Variants in MACROD1 observed in about 807,000 individuals in gnomAD.
MACROD1 encodes the protein ADP-ribose glycohydrolase MACROD1.
MACROD1 carries 31 observed loss-of-function variants against 41.4 expected under a neutral mutation model. The ratio of observed to expected loss-of-function variants is 0.75; its 90% CI spans 0.56 to 1.01. MACROD1 has a LOEUF of 1.01. MACROD1 is among the 50% of genes least tolerant of loss of function. MACROD1 has a pLI of 0.00. For synonymous variants in MACROD1, 252 were observed against 203.4 expected, an observed-to-expected ratio of 1.24 and a Z score of -2.03; for missense variants, 473 against 460.0, an observed-to-expected ratio of 1.03 and a Z score of -0.26.
In MACROD1 at chr11:64,129,927, G is replaced by A. The variant is rs1565251226; in HGVS notation, c.517+21312C>T. On this transcript the variant is annotated intron_variant, in intron 3 of 10. Transcript: ENST00000255681. ...TCCAAACATAACCTGTTCTGAAGAGGACCGGGTGGTTGGGGGGCCGTGAGC... is the reference window on the plus strand; with the variant it reads ...TCCAAACATAACCTGTTCTGAAGAGAACCGGGTGGTTGGGGGGCCGTGAGC... Among the ~76,000 whole-genome samples, 2 of 152,140 alleles carry A rather than the reference G, an allele frequency of 1.3e-5. 1 individual carries two copies. Among genetic ancestry groups the A allele is most frequent in the South Asian group, 4.1e-4 (2 of 4,824 alleles).
intron 3 of MACROD1, among the ~76,000 whole-genome samples, chr11:64,100,212 T>C (rs1442583800): frequency 2.0e-5 from 3 of 152,098 alleles, no homozygotes; most frequent in Admixed American, 1.3e-4. Context: ...AGGTGCATTG[T>C]CCCCTGGCAT....
At chr11:64,029,037 ACT>A (rs747595988) in intron 3 of MACROD1, among the ~76,000 whole-genome samples, 195 of 150,900 alleles carry the variant, frequency 1.3e-3, no homozygotes, top group Non-Finnish European at 2.6e-3. Context: ...CCCACCTCAG[ACT>A]CTCCCATCCC....
intron 3 of MACROD1, among the ~76,000 whole-genome samples, chr11:64,043,963 G>A (rs112129622): frequency 6.6e-6 from 1 of 151,960 alleles, no homozygotes; most frequent in Non-Finnish European, 1.5e-5. Context: ...ACAGGTGCCC[G>A]CCACCACGCC....
intron 4 of MACROD1, among the ~76,000 whole-genome samples, chr11:64,008,565 C>T (rs977464982): frequency 6.6e-6 from 1 of 152,064 alleles, no homozygotes; most frequent in Non-Finnish European, 1.5e-5. Context: ...GCGCTCGGGC[C>T]CGGGAGCAGC....
intron 3 of MACROD1, among the ~76,000 whole-genome samples, chr11:64,054,554 C>T: frequency 6.6e-6 from 1 of 152,148 alleles, no homozygotes; most frequent in Non-Finnish European, 1.5e-5. Flanking sequence ...TGCAGAGTGG[C>T]AGCCAGCCAG....
intron 3 of MACROD1, among the ~76,000 whole-genome samples, chr11:64,148,132 G>A (rs1159101640): frequency 2.0e-5 from 3 of 152,104 alleles, no homozygotes; most frequent in African/African-American, 7.2e-5. Flanking sequence ...GGGACACCTG[G>A]CAACTGCCCT....
intron 3 of MACROD1, among the ~76,000 whole-genome samples, chr11:64,058,041 G>A (rs963171693): frequency 6.6e-5 from 10 of 152,212 alleles, no homozygotes; most frequent in African/African-American, 1.7e-4. Context: ...TGAGTAATGC[G>A]CAATGTAATC....
intron 3 of MACROD1, among the ~76,000 whole-genome samples, chr11:64,145,262 A>G (rs1362336672): frequency 6.6e-6 from 1 of 152,034 alleles, no homozygotes; most frequent in African/African-American, 2.4e-5. Context: ...TCCCCGCCGC[A>G]CACCTGGGCC....
At position 64,123,307 on chromosome 11, in the gene MACROD1, C is replaced by T. The variant is rs117008911; in HGVS notation, c.517+27932G>A. 7.2e-4 allele frequency among the ~76,000 whole-genome samples: 110 copies of T among 152,296 alleles called. No individual in the cohort carries two copies. The East Asian group carries it at 0.018, about 25-fold the overall frequency. On this transcript the variant is annotated intron_variant, in intron 3 of 10. Coordinates refer to ENST00000255681, the MANE Select transcript of MACROD1 (RefSeq NM_014067.4). ...CAAGCACTCACAGGCGATTCGCAGCCGTGCATTGGCCTTCCGAGTGCAGAG... is the reference window on the plus strand; with the variant it reads ...CAAGCACTCACAGGCGATTCGCAGCTGTGCATTGGCCTTCCGAGTGCAGAG...
intron 3 of MACROD1, among the ~76,000 whole-genome samples, chr11:64,081,346 G>A (rs1032567930): frequency 5.3e-5 from 8 of 152,148 alleles, no homozygotes; most frequent in Admixed American, 4.6e-4. Context: ...TAAAATCAAT[G>A]ACCATGAACT....
rs1229119212 is a variant in MACROD1, at chr11:64,090,790, T to C, written c.517+60449A>G. 6.6e-6 allele frequency among the ~76,000 whole-genome samples: 1 copy of C among 151,864 alleles called. No homozygotes were observed. The highest frequency in any genetic ancestry group is 1.5e-5 in the Non-Finnish European group (1 of 67,966). The stretch of plus-strand genomic sequence containing the variant: ...GTGGCGGCGTCTCTCCACCAGGCAC[T>C]TGGGGTTTGTCTCTGGGGCTCTGCA... On this transcript the variant is annotated intron_variant, in intron 3 of 10. Coordinates refer to ENST00000255681, the MANE Select transcript of MACROD1 (RefSeq NM_014067.4). This position sits in a 1 kb window ranked among gnomAD's most constrained non-coding sequence, Gnocchi z 4.7.
chr11:64,044,137 A>C (rs115493268), intron 3 of MACROD1, among the ~76,000 whole-genome samples: 367 of 152,132 alleles, frequency 2.4e-3, no homozygotes, highest in African/African-American at 8.4e-3. Flanking sequence ...ATCTTAAAGC[A>C]TATGCTCGTA....
chr11:64,011,888 A>T (rs910348466), intron 4 of MACROD1, among the ~76,000 whole-genome samples: 1 of 151,970 alleles, frequency 6.6e-6, no homozygotes, highest in East Asian at 1.9e-4. Flanking sequence ...GGACTGGATG[A>T]ACTCAAAGGA....
chr11:64,116,031 C>T (rs1222601691), intron 3 of MACROD1, among the ~76,000 whole-genome samples: 5 of 152,196 alleles, frequency 3.3e-5, no homozygotes, highest in Non-Finnish European at 7.3e-5. Context: ...AGTCCGACCT[C>T]GGCGGGAGCA....
intron 3 of MACROD1, among the ~76,000 whole-genome samples, chr11:64,128,914 A>G (rs1351306022): frequency 1.3e-5 from 2 of 152,226 alleles, no homozygotes; most frequent in East Asian, 3.8e-4. Context: ...TAAATCAATC[A>G]GCCAATCACT....
rs1180388869 is a variant in MACROD1, at chr11:63,998,566, C to T, written c.*152G>A. The T allele has an allele frequency of 1.7e-6, 2 of 1,189,060 alleles. No individual in the cohort carries two copies. The highest frequency in any genetic ancestry group is 2.1e-6 in the Non-Finnish European group (2 of 947,282). The allele number at this position is 1,189,060 out of a possible 1,614,324, so 73.7% of individuals were successfully genotyped here. The stretch of plus-strand genomic sequence containing the variant: ...GCTCAGACAGTAGGAGCTGCCACAA[C>T]GAGATCTTTATTAGGCTCCTCGGGG... On this transcript the variant is annotated 3_prime_UTR_variant, in exon 11 of 11. Transcript: ENST00000255681.
rs1312191950 is a variant in MACROD1 at position 64,021,820 on chromosome 11, G to C, written c.518-6539C>G. ...ACGGATGGGGCAGCCCTGCTGGCAC[G>C]TGCATCATCTGGCTGGGAGACCATC... On this transcript the variant is annotated intron_variant, in intron 3 of 10. Transcript: ENST00000255681. Among the ~76,000 whole-genome samples, 3 of 151,774 alleles carry C rather than the reference G, an allele frequency of 2.0e-5. No individual in the cohort carries two copies. In the East Asian group the frequency reaches 5.8e-4, roughly 29 times the overall value.
chr11:64,113,445 G>GATGC (rs1384102948), intron 3 of MACROD1, among the ~76,000 whole-genome samples: 1 of 151,772 alleles, frequency 6.6e-6, no homozygotes, highest in Non-Finnish European at 1.5e-5. Flanking sequence ...TGGATGGATG[G>GATGC]ATGGACAGGT....
chr11:64,000,551 T>C (rs1434203987), intron 4 of MACROD1, among the ~76,000 whole-genome samples: 6 of 146,662 alleles, frequency 4.1e-5, no homozygotes, highest in Admixed American at 1.3e-4. Flanking sequence ...GGGACGGCCC[T>C]GGGCCTGGCG....
Sources: allele counts gnomAD v4.1 joint callset (sites outside exome capture counted in the v4.1 genomes callset), GRCh38; gene constraint gnomAD v4.1.1; non-coding constraint Gnocchi (gnomAD v3.1); transcripts MANE v1.5; gene names NCBI Gene and HGNC (gene_info 2026-07-23, HGNC 2026-07-21).